The following MIER3 variants were observed in gnomAD, a reference collection of about 807,000 sequenced individuals.
The protein encoded by MIER3 is MIER family member 3, also known as mesoderm induction early response protein 3.
MIER3 carries 9 observed loss-of-function variants against 63.2 expected under a neutral mutation model. The ratio of observed to expected loss-of-function variants is 0.14; its 90% CI spans 0.09 to 0.25. MIER3 has a LOEUF of 0.25. Among genes scored for constraint, MIER3 ranks in the 10% least tolerant of loss-of-function variants. MIER3 has a pLI of 1.00. For missense variants in MIER3, 512 were observed against 666.2 expected, an observed-to-expected ratio of 0.77 and a Z score of 2.55; for synonymous variants, 205 against 224.9, an observed-to-expected ratio of 0.91 and a Z score of 0.79.
At chr5:56,935,529 CTTA>C (rs1212034238) in intron 6 of MIER3, 29 bp from the exon 7 acceptor site, 11 of 1,548,712 alleles carry the variant, frequency 7.1e-6, no homozygotes, top group Non-Finnish European at 9.6e-6. Context: ...GTAAAAATAA[CTTA>C]TTAAAAAAAA....
At chr5:56,940,969 C>A in intron 3 of MIER3, 1 of 985,430 alleles carries the variant, frequency 1.0e-6, no homozygotes, top group Non-Finnish European at 1.2e-6. Flanking sequence ...TTCACACTCT[C>A]TCCCTGAAAT....
chr5:56,928,825 C>T lies in MIER3; in HGVS notation c.866G>A (p.Ser289Asn), dbSNP rs755594980. The T allele has an allele frequency of 1.2e-6, 2 of 1,613,730 alleles. No homozygotes were observed. Among genetic ancestry groups the T allele is most frequent in the Non-Finnish European group, 8.5e-7 (1 of 1,179,818 alleles). Residue 289 changes from serine (S) to asparagine (N), a missense_variant, in exon 10 of 13, where the codon AGC (serine) becomes AAC (asparagine). Coordinates refer to ENST00000381199, the MANE Select transcript of MIER3 (RefSeq NM_001297599.2). ...AAAAAGCATGAGTGCATGTTCAAAG[C>T]TTCGGCATTCTTCTTCCGTCCATGC... ...MTAWTEEECRSFEHALMLFGK... is the reference protein window; with the variant it reads ...MTAWTEEECRNFEHALMLFGK...
intron 8 of MIER3, among the ~76,000 whole-genome samples, chr5:56,931,741 T>G (rs1383234725): frequency 6.6e-6 from 1 of 152,144 alleles, no homozygotes; most frequent in East Asian, 1.9e-4. Flanking sequence ...GAGTTACAGC[T>G]AATGCATTAA....
At chr5:56,950,453 A>AACG (rs2112159352) in intron 2 of MIER3, among the ~76,000 whole-genome samples, 175 bp downstream of exon 2, 1 of 152,154 alleles carries the variant, frequency 6.6e-6, no homozygotes, top group South Asian at 2.1e-4. Context: ...AAGAGAAAAC[A>AACG]AAGAACAGTA....
intron 2 of MIER3, among the ~76,000 whole-genome samples, chr5:56,948,429 C>T (rs575503789): frequency 5.3e-5 from 8 of 152,048 alleles, no homozygotes; most frequent in African/African-American, 1.4e-4. Flanking sequence ...TTTGGGAGGC[C>T]GAAGTGGGGG....
intron 4 of MIER3, 195 bp downstream of exon 4, chr5:56,938,688 C>G: frequency 1.7e-6 from 1 of 594,532 alleles, no homozygotes; most frequent in South Asian, 2.1e-5. Flanking sequence ...ATGCAAAGTA[C>G]CATGAAGCTG....
In MIER3 at chr5:56,952,079, G is replaced by A. The variant is rs1364731298; in HGVS notation, c.9+15C>T. 7.7e-7 allele frequency: 1 copy of A among 1,299,994 alleles called. No homozygotes were observed. The highest frequency in any genetic ancestry group is 9.9e-7 in the Non-Finnish European group (1 of 1,006,416). The allele number at this position is 1,299,994 out of a possible 1,614,324, so 80.5% of individuals were successfully genotyped here. ...CGCTCCAGCCCGGCTGCTCCTGCCC[G>A]GTTTCCCTGCTCACCTCCGCCATAT... is the stretch of plus-strand genomic sequence containing the variant. On this transcript the variant is annotated intron_variant, in intron 1 of 12. Transcript: ENST00000381199.
At position 56,924,048 on chromosome 5, in the gene MIER3, G is replaced by A; in HGVS notation, c.925-6C>T. The A allele has an allele frequency of 6.3e-7, 1 of 1,584,082 alleles. No individual in the cohort carries two copies. The highest frequency in any genetic ancestry group is 8.5e-7 in the Non-Finnish European group (1 of 1,170,390). ...GCAACTGTCCTAGTTCTCACCTAATGAAAAAGTTGAATTTTTAAAAAACCA... is the reference window on the plus strand; with the variant it reads ...GCAACTGTCCTAGTTCTCACCTAATAAAAAAGTTGAATTTTTAAAAAACCA... On this transcript the variant is annotated splice_polypyrimidine_tract_variant and splice_region_variant and intron_variant, in intron 10 of 12. Transcript: ENST00000381199.
chr5:56,935,291 C>T, intron 7 of MIER3, 137 bp downstream of exon 7: 1 of 681,160 alleles, frequency 1.5e-6, no homozygotes, highest in Non-Finnish European at 2.5e-6. Context: ...TAAGTCAGGC[C>T]TAAAAATCCT....
intron 10 of MIER3, chr5:56,925,500 C>G (rs1057374332): frequency 7.3e-6 from 2 of 273,048 alleles, no homozygotes; most frequent in Non-Finnish European, 1.4e-5. Flanking sequence ...AACACAAGAC[C>G]ATTTACATTA....
At chr5:56,925,557 G>A in intron 10 of MIER3, 1 of 212,420 alleles carries the variant, frequency 4.7e-6, no homozygotes, top group South Asian at 5.9e-5. Context: ...CAAAATATAT[G>A]CAAAATCTGT....
intron 9 of MIER3, chr5:56,929,604 A>G (rs1750184794): frequency 6.6e-6 from 1 of 152,216 alleles, no homozygotes; most frequent in South Asian, 2.1e-4. Flanking sequence ...CTTTAATTAG[A>G]GACCATAAGT....
intron 9 of MIER3, 88 bp downstream of exon 9, chr5:56,930,576 T>A (rs1750225600): frequency 9.5e-7 from 1 of 1,047,594 alleles, no homozygotes; most frequent in Non-Finnish European, 1.5e-6. Context: ...GTTACAGGAT[T>A]GCTCTGTCCC....
intron 10 of MIER3, 144 bp from the exon 11 acceptor site, chr5:56,924,186 G>T: frequency 1.3e-6 from 1 of 784,052 alleles, no homozygotes; most frequent in Non-Finnish European, 1.9e-6. Flanking sequence ...AAATTATAAA[G>T]TTCTGAACAC....
rs1579850145 is a variant in MIER3, at chr5:56,935,282, A to T, written c.595+146T>A. 3 of 651,756 alleles carry T rather than the reference A, an allele frequency of 4.6e-6. No individual in the cohort carries two copies. The East Asian group carries it at 8.2e-5, about 18-fold the overall frequency. 40.4% of individuals were successfully genotyped at this position (651,756 alleles called of 1,614,324 possible). On this transcript the variant is annotated intron_variant, in intron 7 of 12. Coordinates refer to ENST00000381199, the MANE Select transcript of MIER3 (RefSeq NM_001297599.2). ...TGATTAACTTTGATACATTTTTCCTAAGTCAGGCCTAAAAATCCTAACTCT... is the reference window on the plus strand; with the variant it reads ...TGATTAACTTTGATACATTTTTCCTTAGTCAGGCCTAAAAATCCTAACTCT...
At chr5:56,940,096 G>A (rs540716040) in intron 3 of MIER3, among the ~76,000 whole-genome samples, 8 of 152,242 alleles carry the variant, frequency 5.3e-5, no homozygotes, top group African/African-American at 1.9e-4. Flanking sequence ...TTGGGAGGCC[G>A]AGGCAGGCAG....
intron 5 of MIER3, among the ~76,000 whole-genome samples, chr5:56,937,168 A>G (rs966826974): frequency 6.6e-6 from 1 of 151,840 alleles, no homozygotes; most frequent in South Asian, 2.1e-4. Flanking sequence ...CTTCACCCCC[A>G]AGGTTCAAGT....
rs544941914 is a variant in MIER3 at position 56,923,200 on chromosome 5, G to A, written c.1581C>T (p.Leu527=). The change falls in exon 13 of 13, where the codon CTC becomes CTT. Residue 527 remains leucine (L), a synonymous_variant. Transcript: ENST00000381199. ...MAVSVADFGS[L]SANETNGFIS... is the part of the protein sequence containing the mutation. ...TGAAACCATTGGTCTCGTTGGCAGA[G>A]AGACTGCCAAAGTCAGCCACAGAAA... 1 of 1,614,122 alleles carries A rather than the reference G, an allele frequency of 6.2e-7. No homozygotes were observed. Among genetic ancestry groups the A allele is most frequent in the South Asian group, 1.1e-5 (1 of 91,078 alleles).
chr5:56,942,984 A>T (rs2591960), intron 3 of MIER3, among the ~76,000 whole-genome samples: 49,498 of 151,618 alleles, frequency 0.33, 8,894 homozygotes, highest in East Asian at 0.74. Context: ...TATAAAAAAA[A>T]TTTTTTTTTA....
Sources: allele counts gnomAD v4.1 joint callset (sites outside exome capture counted in the v4.1 genomes callset), GRCh38; gene constraint gnomAD v4.1.1; transcripts MANE v1.5; gene names NCBI Gene and HGNC (gene_info 2026-07-23, HGNC 2026-07-21).